The following ST6GALNAC5 variants were observed in gnomAD, a reference collection of about 807,000 sequenced individuals.
ST6GALNAC5 encodes ST6 N-acetylgalactosaminide alpha-2,6-sialyltransferase 5.
ST6GALNAC5 carries 27 observed loss-of-function variants against 33.6 expected under a neutral mutation model. That is an observed-to-expected ratio of 0.80 (90% CI 0.59 to 1.11). ST6GALNAC5 has a LOEUF of 1.11. ST6GALNAC5 is among the 50% of genes least tolerant of loss of function. ST6GALNAC5 has a pLI of 0.00. For synonymous variants in ST6GALNAC5, 194 were observed against 171.2 expected, an observed-to-expected ratio of 1.13 and a Z score of -1.04; for missense variants, 428 against 454.0, an observed-to-expected ratio of 0.94 and a Z score of 0.52.
At chr1:76,911,170 C>A (rs1340244460) in intron 2 of ST6GALNAC5, among the ~76,000 whole-genome samples, 1 of 152,068 alleles carries the variant, frequency 6.6e-6, no homozygotes, top group Non-Finnish European at 1.5e-5. Flanking sequence ...TGAATTTTGT[C>A]AAAGGCCTTT....
chr1:76,912,942 T>C (rs1403893049), intron 2 of ST6GALNAC5, among the ~76,000 whole-genome samples: 2 of 151,480 alleles, frequency 1.3e-5, no homozygotes, highest in African/African-American at 2.4e-5. Flanking sequence ...TTGTTATGTG[T>C]GAATTTGATC....
At chr1:76,893,798 C>T (rs143953361) in intron 2 of ST6GALNAC5, among the ~76,000 whole-genome samples, 6,196 of 152,200 alleles carry the variant, frequency 0.041, 170 homozygotes, top group Non-Finnish European at 0.059. Flanking sequence ...GTAGCTGGGA[C>T]TACAGGTGCG....
chr1:76,987,254 A>G (rs1486457183), intron 2 of ST6GALNAC5, among the ~76,000 whole-genome samples: 1 of 152,146 alleles, frequency 6.6e-6, no homozygotes. Context: ...ACAAAGACAA[A>G]TAACTCAATT....
At chr1:76,913,794 G>C (rs1557720575) in intron 2 of ST6GALNAC5, among the ~76,000 whole-genome samples, 1 of 152,114 alleles carries the variant, frequency 6.6e-6, no homozygotes, top group Non-Finnish European at 1.5e-5. Context: ...AGACAGGGAT[G>C]CCCTCTCTCA....
intron 2 of ST6GALNAC5, among the ~76,000 whole-genome samples, chr1:76,914,013 A>G (rs1449286306): frequency 2.0e-5 from 3 of 152,192 alleles, no homozygotes; most frequent in African/African-American, 7.2e-5. Flanking sequence ...AACAAAATCA[A>G]TGTACAAAAA....
At chr1:76,939,647 A>G (rs1272906572) in intron 2 of ST6GALNAC5, among the ~76,000 whole-genome samples, 4 of 152,028 alleles carry the variant, frequency 2.6e-5, no homozygotes, top group African/African-American at 9.7e-5. Flanking sequence ...ACCAACTACA[A>G]ATCACTGAGA....
intron 2 of ST6GALNAC5, among the ~76,000 whole-genome samples, chr1:76,987,628 GC>G (rs1378141146): frequency 6.6e-6 from 1 of 152,078 alleles, no homozygotes; most frequent in African/African-American, 2.4e-5. Flanking sequence ...CCACACAAAA[GC>G]TTTTGTATGA....
At chr1:77,033,686 C>T (rs923442500) in intron 2 of ST6GALNAC5, among the ~76,000 whole-genome samples, 5 of 151,970 alleles carry the variant, frequency 3.3e-5, no homozygotes, top group African/African-American at 1.2e-4. Context: ...GAGACCTGAG[C>T]GATGAGGAGC....
At chr1:77,019,265 A>G (rs1557763528) in intron 2 of ST6GALNAC5, among the ~76,000 whole-genome samples, 3 of 152,186 alleles carry the variant, frequency 2.0e-5, no homozygotes, top group Non-Finnish European at 4.4e-5. Flanking sequence ...TGAAACAAAA[A>G]GGAGGCTCCC....
intron 2 of ST6GALNAC5, among the ~76,000 whole-genome samples, chr1:76,984,738 C>A (rs1477156895): frequency 6.6e-6 from 1 of 152,060 alleles, no homozygotes; most frequent in Non-Finnish European, 1.5e-5. Flanking sequence ...ATGAATATTC[C>A]CAATGAACAT....
intron 2 of ST6GALNAC5, among the ~76,000 whole-genome samples, chr1:76,943,050 C>T (rs1647392631): frequency 6.6e-6 from 1 of 151,994 alleles, no homozygotes; most frequent in African/African-American, 2.4e-5. Context: ...TAACAAATTC[C>T]CATTCTTTCT....
chr1:76,900,380 G>A (rs1011819176), intron 2 of ST6GALNAC5, among the ~76,000 whole-genome samples: 2 of 152,086 alleles, frequency 1.3e-5, no homozygotes, highest in Admixed American at 1.3e-4. Context: ...GGGCTCAGAG[G>A]CCTGACATTA....
At chr1:76,922,806 C>T (rs139662637) in intron 2 of ST6GALNAC5, among the ~76,000 whole-genome samples, 2,043 of 151,880 alleles carry the variant, frequency 0.013, 49 homozygotes, top group African/African-American at 0.046. Context: ...TATGGTGACA[C>T]GCACCTGTGG....
intron 2 of ST6GALNAC5, among the ~76,000 whole-genome samples, chr1:76,992,092 A>G (rs1649759230): frequency 6.6e-6 from 1 of 152,084 alleles, no homozygotes; most frequent in Admixed American, 6.6e-5. Context: ...ATTAGTAATC[A>G]TCAACACCTT....
intron 2 of ST6GALNAC5, among the ~76,000 whole-genome samples, chr1:76,983,035 C>T (rs934037870): frequency 3.3e-5 from 5 of 152,004 alleles, no homozygotes; most frequent in Admixed American, 6.5e-5. Flanking sequence ...AAGGAACAAC[C>T]AGTACCAGCC....
At chr1:76,877,476 A>G (rs1653673628) in intron 2 of ST6GALNAC5, among the ~76,000 whole-genome samples, 1 of 152,218 alleles carries the variant, frequency 6.6e-6, no homozygotes, top group Non-Finnish European at 1.5e-5. Context: ...AAATAGGCCC[A>G]GTAGGTGTTG....
intron 2 of ST6GALNAC5, among the ~76,000 whole-genome samples, chr1:76,963,874 C>T (rs941772491): frequency 2.6e-5 from 4 of 152,084 alleles, no homozygotes; most frequent in Admixed American, 1.3e-4. Context: ...GTGAACCCAA[C>T]CTAATCATAT....
In ST6GALNAC5 at chr1:76,948,587, C is replaced by CAGAGAGAGAGAGAGAGAG. The variant is rs60959607; in HGVS notation, c.261+79867_261+79884dup. ...AGAGAGAGAGGTATGGGAGTGGGGA[C>CAGAGAGAGAGAGAGAGAG]AGAGAGAGAGAGAGAGAGAGAGAGA... is the stretch of plus-strand genomic sequence containing the variant. On this transcript the variant is annotated intron_variant, in intron 2 of 4. Coordinates refer to ENST00000477717, the MANE Select transcript of ST6GALNAC5 (RefSeq NM_030965.3). 5.3e-4 allele frequency among the ~76,000 whole-genome samples: 69 copies of CAGAGAGAGAGAGAGAGAG among 129,720 alleles called. 1 individual carries two copies. The highest frequency in any genetic ancestry group is 1.5e-3 in the African/African-American group (52 of 34,820). The allele number at this position is 129,720 out of a possible 152,430, so 85.1% of individuals were successfully genotyped here.
chr1:76,909,162 G>T (rs1267562822), intron 2 of ST6GALNAC5, among the ~76,000 whole-genome samples: 1 of 152,176 alleles, frequency 6.6e-6, no homozygotes, highest in Admixed American at 6.6e-5. Context: ...AAGACATTAG[G>T]TGCCTCAAAG....
Sources: allele counts gnomAD v4.1 joint callset (sites outside exome capture counted in the v4.1 genomes callset), GRCh38; gene constraint gnomAD v4.1.1; transcripts MANE v1.5; gene names NCBI Gene and HGNC (gene_info 2026-07-23, HGNC 2026-07-21).